PCDH15: variants seen among roughly 807,000 people sequenced by gnomAD.
PCDH15 encodes the protein protocadherin-15.
PCDH15 carries 129 observed loss-of-function variants against 178.5 expected under a neutral mutation model. The observed-to-expected ratio is 0.72, with a 90% CI of 0.63 to 0.84. PCDH15 has a LOEUF of 0.84. Ranked by LOEUF, PCDH15 falls within the 40% of genes least tolerant of loss-of-function variation. PCDH15 has a pLI of 0.00. For missense variants in PCDH15, 2,230 were observed against 2,099.9 expected (o/e 1.06, Z -1.21); for synonymous variants, 800 against 732.0 (o/e 1.09, Z -1.50).
chr10:55,586,852 T>C (rs1024017230), intron 2 of PCDH15, among the ~76,000 whole-genome samples: 4 of 152,152 alleles, frequency 2.6e-5, no homozygotes, highest in African/African-American at 9.6e-5. Context: ...TCTCCTTCTA[T>C]TTTTATTTGC....
intron 3 of PCDH15, among the ~76,000 whole-genome samples, chr10:54,380,643 G>GTATATATATATATATATATATA (rs59953769): frequency 2.6e-4 from 4 of 15,294 alleles, no homozygotes; most frequent in African/African-American, 6.3e-4. Flanking sequence ...GTGTATGCAT[G>GTATATATATATATATATATATA]TATATATATA....
intron 3 of PCDH15, among the ~76,000 whole-genome samples, chr10:54,823,221 A>ACGCACACG (rs1554802972): frequency 6.6e-6 from 1 of 151,308 alleles, no homozygotes; most frequent in African/African-American, 2.4e-5. Flanking sequence ...ACACACACAC[A>ACGCACACG]CACACGCACA....
At chr10:54,464,450 G>A (rs1431154295) in intron 3 of PCDH15, among the ~76,000 whole-genome samples, 1 of 152,098 alleles carries the variant, frequency 6.6e-6, no homozygotes, top group African/African-American at 2.4e-5. Context: ...AGCATTGAGA[G>A]GAACTAGGAG....
At chr10:54,851,140 C>A (rs1264473410) in intron 3 of PCDH15, among the ~76,000 whole-genome samples, 2 of 151,904 alleles carry the variant, frequency 1.3e-5, no homozygotes, top group African/African-American at 2.4e-5. Context: ...GAAAAAGGAT[C>A]AAAAATTAAG....
At chr10:55,608,621 A>G (rs775137447) in intron 2 of PCDH15, among the ~76,000 whole-genome samples, 1 of 151,936 alleles carries the variant, frequency 6.6e-6, no homozygotes, top group Non-Finnish European at 1.5e-5. Flanking sequence ...CAGGAAGCCA[A>G]TCACTGAGAC....
intron 2 of PCDH15, among the ~76,000 whole-genome samples, chr10:55,527,570 T>C (rs1488199021): frequency 6.6e-6 from 1 of 152,050 alleles, no homozygotes; most frequent in Non-Finnish European, 1.5e-5. Flanking sequence ...GACTTCAATA[T>C]ATAATATTGT....
At chr10:54,640,686 G>A (rs1318991919) in intron 2 of PCDH15, among the ~76,000 whole-genome samples, 1 of 151,652 alleles carries the variant, frequency 6.6e-6, no homozygotes, top group Non-Finnish European at 1.5e-5. Context: ...ATAAATGACA[G>A]GAATTTTATA....
At chr10:54,343,812 TA>T (rs1285458266) in intron 6 of PCDH15, among the ~76,000 whole-genome samples, 1 of 150,650 alleles carries the variant, frequency 6.6e-6, no homozygotes, top group Non-Finnish European at 1.5e-5. Flanking sequence ...AAATAAAAAA[TA>T]AAAATAAAAA....
intron 2 of PCDH15, among the ~76,000 whole-genome samples, chr10:54,629,727 G>A (rs894557837): frequency 6.6e-6 from 1 of 152,026 alleles, no homozygotes; most frequent in Non-Finnish European, 1.5e-5. Context: ...CATAGTACTG[G>A]AAGTCCTAGA....
At chr10:55,123,194 T>C (rs942586975) in intron 2 of PCDH15, among the ~76,000 whole-genome samples, 39 of 152,132 alleles carry the variant, frequency 2.6e-4, no homozygotes, top group African/African-American at 8.9e-4. Flanking sequence ...TTCTGTGTTA[T>C]CTAAATTATG....
intron 2 of PCDH15, among the ~76,000 whole-genome samples, chr10:54,612,043 A>G (rs987078150): frequency 2.6e-5 from 4 of 151,870 alleles, no homozygotes; most frequent in African/African-American, 7.2e-5. Context: ...CTTAAGGTAT[A>G]TGTGTCTTTG....
At chr10:54,173,977 A>T (rs976775555) in intron 13 of PCDH15, among the ~76,000 whole-genome samples, 15 of 152,200 alleles carry the variant, frequency 9.9e-5, no homozygotes, top group African/African-American at 3.6e-4. Context: ...TCACTGTGGG[A>T]GCATCATAAC....
intron 26 of PCDH15, among the ~76,000 whole-genome samples, chr10:53,876,625 A>C (rs1589208519): frequency 5.2e-5 from 1 of 19,232 alleles, no homozygotes; most frequent in African/African-American, 1.2e-4. Flanking sequence ...AAACTTTTGC[A>C]AAAAAAAAAA....
At chr10:55,141,527 T>C (rs1591935734) in intron 2 of PCDH15, among the ~76,000 whole-genome samples, 2 of 152,128 alleles carry the variant, frequency 1.3e-5, no homozygotes, top group Admixed American at 1.3e-4. Context: ...GAAAACATTT[T>C]ATGTTGTCTG....
rs567097842 is a variant in PCDH15 at position 54,984,245 on chromosome 10, A to T, written c.-79-86745T>A. On this transcript the variant is annotated intron_variant, in intron 2 of 5. Transcript: ENST00000458638. ...CCCCTGTTTTCCTCTTCTCCCCACA[A>T]GTGAGGGAAACCAAAATTTACCTTC... 1.1e-4 allele frequency among the ~76,000 whole-genome samples: 16 copies of T among 152,122 alleles called. No individual in the cohort carries two copies. The East Asian group carries it at 3.1e-3, about 30-fold the overall frequency.
chr10:55,222,733 A>ATATATATATT (rs1840920087), intron 1 of PCDH15, among the ~76,000 whole-genome samples: 1 of 9,538 alleles, frequency 1.0e-4, no homozygotes, highest in Non-Finnish European at 3.5e-4. Flanking sequence ...ACACACACAT[A>ATATATATATT]TATATATATA....
At chr10:54,742,317 G>A (rs1944917440) in intron 1 of PCDH15, among the ~76,000 whole-genome samples, 1 of 151,966 alleles carries the variant, frequency 6.6e-6, no homozygotes, top group East Asian at 1.9e-4. Flanking sequence ...GTGTGTATGG[G>A]TAAGTGTATT....
intron 1 of PCDH15, among the ~76,000 whole-genome samples, chr10:54,680,327 G>A (rs996067137): frequency 6.6e-6 from 1 of 152,054 alleles, no homozygotes; most frequent in African/African-American, 2.4e-5. Flanking sequence ...AGCCTGAAGC[G>A]TAAACTTGTC....
intron 25 of PCDH15, among the ~76,000 whole-genome samples, chr10:53,903,850 A>G (rs1309961467): frequency 6.6e-6 from 1 of 152,186 alleles, no homozygotes; most frequent in Non-Finnish European, 1.5e-5. Context: ...TTTATGTTTT[A>G]AGACTAAAAG....
Sources: allele counts gnomAD v4.1 joint callset (sites outside exome capture counted in the v4.1 genomes callset), GRCh38; gene constraint gnomAD v4.1.1; transcripts MANE v1.5; gene names NCBI Gene and HGNC (gene_info 2026-07-23, HGNC 2026-07-21).